TBC1D5: variants seen among roughly 807,000 people sequenced by gnomAD.
TBC1D5 encodes TBC1 domain family, member 5.
A neutral mutation model predicts 100.3 loss-of-function variants in TBC1D5; 75 were observed. That is an observed-to-expected ratio of 0.75 (90% CI 0.62 to 0.91). TBC1D5 has a LOEUF of 0.91. Among genes scored for constraint, TBC1D5 ranks in the 40% least tolerant of loss-of-function variants. TBC1D5 has a pLI of 0.00. For synonymous variants in TBC1D5, 323 were observed against 325.6 expected (o/e 0.99, Z 0.09); for missense variants, 910 against 942.4 (o/e 0.97, Z 0.45).
At chr3:17,377,024 A>T (rs1280449972) in intron 9 of TBC1D5, among the ~76,000 whole-genome samples, 1 of 152,122 alleles carries the variant, frequency 6.6e-6, no homozygotes, top group African/African-American at 2.4e-5. Context: ...AGGAAATTAC[A>T]TCCAATGTTT....
intron 2 of TBC1D5, among the ~76,000 whole-genome samples, chr3:17,602,284 G>A (rs1350118748): frequency 6.6e-6 from 1 of 152,116 alleles, no homozygotes; most frequent in African/African-American, 2.4e-5. Context: ...GAATACCTTG[G>A]AAACCTGAAG....
intron 1 of TBC1D5, among the ~76,000 whole-genome samples, chr3:17,643,292 T>C (rs2064705668): frequency 6.6e-6 from 1 of 152,164 alleles, no homozygotes; most frequent in Non-Finnish European, 1.5e-5. Flanking sequence ...CTTTGGTGTA[T>C]CGTATTATAT....
intron 8 of TBC1D5, among the ~76,000 whole-genome samples, chr3:17,385,333 A>T (rs977047188): frequency 1.3e-5 from 2 of 152,090 alleles, no homozygotes; most frequent in Non-Finnish European, 2.9e-5. Flanking sequence ...AGAGAGGAAG[A>T]TGACCTAGAG....
chr3:17,285,346 C>T (rs1052954913), intron 15 of TBC1D5, among the ~76,000 whole-genome samples: 13 of 148,374 alleles, frequency 8.8e-5, no homozygotes, highest in South Asian at 2.1e-4. Context: ...CTGCAAGCTC[C>T]GCCTCCCGGG....
intron 2 of TBC1D5, among the ~76,000 whole-genome samples, chr3:17,563,997 T>A (rs1030825853): frequency 6.6e-6 from 1 of 152,200 alleles, no homozygotes; most frequent in Non-Finnish European, 1.5e-5. Context: ...TTAGCCAGGA[T>A]GGTCTCGATC....
At chr3:17,160,774 C>T in exon 22 of TBC1D5, 1 of 743,076 alleles carries the variant, frequency 1.3e-6, no homozygotes, top group Non-Finnish European at 2.1e-6. Context: ...ATGTGGCAAA[C>T]CTAAGCCTCT....
intron 13 of TBC1D5, among the ~76,000 whole-genome samples, chr3:17,311,777 C>T (rs1233246455): frequency 6.6e-6 from 1 of 152,026 alleles, no homozygotes; most frequent in African/African-American, 2.4e-5. Flanking sequence ...AGAAACGTTA[C>T]ATTCAATTTA....
At chr3:17,646,356 C>G (rs2065014038) in intron 1 of TBC1D5, among the ~76,000 whole-genome samples, 1 of 152,076 alleles carries the variant, frequency 6.6e-6, no homozygotes, top group Non-Finnish European at 1.5e-5. Flanking sequence ...TTTTTAGCCA[C>G]TCAGTTTTTG....
chr3:17,586,557 C>A (rs1409865381), intron 2 of TBC1D5: 1 of 152,026 alleles, frequency 6.6e-6, no homozygotes, highest in Non-Finnish European at 1.5e-5. Context: ...ACAGCATCTC[C>A]CTAGAAAAAT....
chr3:17,484,455 G>GGGGTGTGTGT (rs1309270588), intron 3 of TBC1D5, among the ~76,000 whole-genome samples: 2 of 111,544 alleles, frequency 1.8e-5, no homozygotes, highest in East Asian at 2.4e-4. Flanking sequence ...GTAACACCAG[G>GGGGTGTGTGT]GTGTGTGTGT....
Position 17,438,837 on chromosome 3 carries a change from C to T in TBC1D5, c.98-10318G>A, listed in dbSNP as rs189367596. On this transcript the variant is annotated intron_variant, in intron 3 of 21. Transcript: ENST00000253692. ...ATAAAACATACCCTCCTCAAAACAACAAAACAAAAAATCATTGTATTTTCA... is the reference window on the plus strand; with the variant it reads ...ATAAAACATACCCTCCTCAAAACAATAAAACAAAAAATCATTGTATTTTCA... Among the ~76,000 whole-genome samples, 160 of 151,994 alleles carry T rather than the reference C, an allele frequency of 1.1e-3. 2 individuals are homozygous for T. In the South Asian group the frequency reaches 0.018, roughly 18 times the overall value.
chr3:17,521,612 A>T (rs780696307), intron 2 of TBC1D5, among the ~76,000 whole-genome samples: 1 of 152,126 alleles, frequency 6.6e-6, no homozygotes, highest in Admixed American at 6.6e-5. Flanking sequence ...TTGCTCAAGG[A>T]TCAGCTGTAT....
At chr3:17,311,539 G>C (rs566293087) in intron 13 of TBC1D5, among the ~76,000 whole-genome samples, 7 of 152,074 alleles carry the variant, frequency 4.6e-5, no homozygotes, top group African/African-American at 1.7e-4. Flanking sequence ...TTATTGCTTG[G>C]TGACTGACCC....
exon 21 of TBC1D5, chr3:17,166,833 G>A (rs372259271): frequency 3.7e-6 from 6 of 1,614,140 alleles, no homozygotes; most frequent in Non-Finnish European, 5.1e-6. Context: ...GGCCGCTGGA[G>A]CAGTAGTGGT....
chr3:17,707,334 T>A (rs1286602440), intron 1 of TBC1D5, among the ~76,000 whole-genome samples: 1 of 152,132 alleles, frequency 6.6e-6, no homozygotes, highest in Non-Finnish European at 1.5e-5. Flanking sequence ...TTTTCTCTCT[T>A]CAATAAATTT....
At chr3:17,444,675 T>C (rs537692869) in intron 3 of TBC1D5, among the ~76,000 whole-genome samples, 1 of 152,180 alleles carries the variant, frequency 6.6e-6, no homozygotes, top group African/African-American at 2.4e-5. Flanking sequence ...ACAAAACTAA[T>C]ACATAATTAT....
intron 2 of TBC1D5, among the ~76,000 whole-genome samples, chr3:17,585,421 A>G (rs1310487620): frequency 2.6e-5 from 4 of 152,206 alleles, no homozygotes; most frequent in Admixed American, 2.6e-4. Context: ...TGATTATATC[A>G]AAAATTTATT....
At chr3:17,642,221 T>C (rs2064579244) in intron 1 of TBC1D5, among the ~76,000 whole-genome samples, 1 of 152,100 alleles carries the variant, frequency 6.6e-6, no homozygotes, top group Non-Finnish European at 1.5e-5. Flanking sequence ...AGGGTGACCA[T>C]TGTGTTCTGG....
chr3:17,459,119 T>C (rs1343643477), intron 3 of TBC1D5, among the ~76,000 whole-genome samples: 1 of 152,238 alleles, frequency 6.6e-6, no homozygotes, highest in African/African-American at 2.4e-5. Flanking sequence ...ACCTTGTGTG[T>C]GGACACCATA....
Sources: allele counts gnomAD v4.1 joint callset (sites outside exome capture counted in the v4.1 genomes callset), GRCh38; gene constraint gnomAD v4.1.1; transcripts MANE v1.5; gene names NCBI Gene and HGNC (gene_info 2026-07-23, HGNC 2026-07-21).